Variants in PRKN observed in about 807,000 individuals in gnomAD.
PRKN encodes E3 ubiquitin-protein ligase parkin.
PRKN carries 56 observed loss-of-function variants against 59.5 expected under a neutral mutation model. The ratio of observed to expected loss-of-function variants is 0.94; its 90% CI spans 0.76 to 1.18. PRKN has a LOEUF of 1.18. Ranked by LOEUF, PRKN falls within the 50% of genes most tolerant of loss-of-function variation. The pLI is 0.00. For missense variants in PRKN, 657 were observed against 596.4 expected, an observed-to-expected ratio of 1.10 and a Z score of -1.06; for synonymous variants, 250 against 222.1, an observed-to-expected ratio of 1.13 and a Z score of -1.12.
intron 6 of PRKN, among the ~76,000 whole-genome samples, chr6:161,883,862 A>G (rs1795036421): frequency 6.6e-6 from 1 of 152,040 alleles, no homozygotes; most frequent in South Asian, 2.1e-4. Flanking sequence ...TATGTCGGCC[A>G]GGCTGGTCTC....
At chr6:162,273,929 T>G (rs1489953321) in intron 2 of PRKN, among the ~76,000 whole-genome samples, 2 of 152,148 alleles carry the variant, frequency 1.3e-5, no homozygotes, top group Non-Finnish European at 2.9e-5. Flanking sequence ...ATCATATTAT[T>G]TACTCAACAA....
intron 2 of PRKN, among the ~76,000 whole-genome samples, chr6:162,383,165 A>C (rs1034484574): frequency 6.6e-6 from 1 of 152,182 alleles, no homozygotes; most frequent in Non-Finnish European, 1.5e-5. Context: ...CTTCCCATGA[A>C]TCACAAATTT....
intron 6 of PRKN, among the ~76,000 whole-genome samples, chr6:161,916,773 G>A (rs1319253498): frequency 7.2e-5 from 11 of 152,048 alleles, no homozygotes; most frequent in African/African-American, 2.7e-4. Flanking sequence ...CATAGACGAC[G>A]TTAGTCTTTA....
At chr6:162,296,789 T>TTA (rs1781696403) in intron 2 of PRKN, among the ~76,000 whole-genome samples, 1 of 152,154 alleles carries the variant, frequency 6.6e-6, no homozygotes, top group Non-Finnish European at 1.5e-5. Flanking sequence ...TGAATTTCAC[T>TTA]TAGAAAAGTC....
intron 6 of PRKN, among the ~76,000 whole-genome samples, chr6:161,804,087 G>A (rs564365929): frequency 5.3e-4 from 81 of 152,326 alleles, no homozygotes; most frequent in African/African-American, 1.7e-3. Context: ...GTGCACGGAC[G>A]CCTCAGGGAC....
chr6:161,700,976 T>C (rs939544302), intron 7 of PRKN, among the ~76,000 whole-genome samples: 8 of 152,230 alleles, frequency 5.3e-5, no homozygotes, highest in Non-Finnish European at 1.2e-4. Flanking sequence ...TTTGTCTGTA[T>C]AGATATAGCA....
At chr6:161,482,891 T>C (rs1467710775) in intron 9 of PRKN, among the ~76,000 whole-genome samples, 1 of 152,222 alleles carries the variant, frequency 6.6e-6, no homozygotes, top group Non-Finnish European at 1.5e-5. Flanking sequence ...TCATAAGCAC[T>C]TTAAGTATTT....
chr6:161,652,066 A>G (rs948087615), intron 7 of PRKN, among the ~76,000 whole-genome samples: 1 of 152,206 alleles, frequency 6.6e-6, no homozygotes, highest in African/African-American at 2.4e-5. Context: ...ACCTAGTGTC[A>G]ACTTGTTCTT....
At chr6:161,781,083 A>C (rs1790185383) in intron 7 of PRKN, among the ~76,000 whole-genome samples, 1 of 152,240 alleles carries the variant, frequency 6.6e-6, no homozygotes, top group African/African-American at 2.4e-5. Flanking sequence ...GCCATGTGGA[A>C]GACTGACTAC....
At chr6:161,707,348 T>A (rs1786545824) in intron 7 of PRKN, among the ~76,000 whole-genome samples, 1 of 152,180 alleles carries the variant, frequency 6.6e-6, no homozygotes, top group Non-Finnish European at 1.5e-5. Flanking sequence ...TAATTGTGCG[T>A]TGAGGAAACG....
intron 1 of PRKN, among the ~76,000 whole-genome samples, chr6:162,710,554 T>C (rs1562516399): frequency 6.6e-6 from 1 of 152,138 alleles, no homozygotes; most frequent in East Asian, 1.9e-4. Context: ...GGAGGTGAAC[T>C]AGCCTTGTAA....
At chr6:162,660,853 T>C (rs890702464) in intron 1 of PRKN, among the ~76,000 whole-genome samples, 1 of 152,198 alleles carries the variant, frequency 6.6e-6, no homozygotes, top group African/African-American at 2.4e-5. Context: ...TCAACTTGTG[T>C]AGGAGAGTTC....
chr6:161,657,003 A>G (rs1443282710), intron 7 of PRKN, among the ~76,000 whole-genome samples: 1 of 152,178 alleles, frequency 6.6e-6, no homozygotes, highest in East Asian at 1.9e-4. Flanking sequence ...TCCAAAAAAT[A>G]TTTGGTTACT....
At chr6:162,292,630 A>G (rs1781491027) in intron 2 of PRKN, among the ~76,000 whole-genome samples, 1 of 152,152 alleles carries the variant, frequency 6.6e-6, no homozygotes, top group South Asian at 2.1e-4. Flanking sequence ...CCATAAGAAG[A>G]TAAGTCTGAA....
At chr6:161,510,340 C>T (rs1441135549) in intron 9 of PRKN, among the ~76,000 whole-genome samples, 7 of 151,594 alleles carry the variant, frequency 4.6e-5, no homozygotes, top group Non-Finnish European at 8.8e-5. Context: ...AGTGAGGCAT[C>T]GTGAAGTGTG....
chr6:161,516,359 C>T (rs572121475), intron 9 of PRKN, among the ~76,000 whole-genome samples: 16 of 149,712 alleles, frequency 1.1e-4, no homozygotes, highest in Non-Finnish European at 1.5e-4. Context: ...TCCAGCTACT[C>T]GGGAGGCTAA....
chr6:161,683,060 G>A (rs1045350999), intron 7 of PRKN, among the ~76,000 whole-genome samples: 2 of 152,220 alleles, frequency 1.3e-5, no homozygotes, highest in African/African-American at 4.8e-5. Context: ...AGTTTTTAGG[G>A]AGGAGCATGC....
chr6:161,988,849 A>G (rs749265488), intron 5 of PRKN, among the ~76,000 whole-genome samples: 2 of 152,086 alleles, frequency 1.3e-5, no homozygotes, highest in African/African-American at 2.4e-5. Flanking sequence ...TGATTATTAT[A>G]ACATGTTTGG....
At chr6:162,648,495 C>A (rs753934159) in intron 1 of PRKN, among the ~76,000 whole-genome samples, 2 of 151,892 alleles carry the variant, frequency 1.3e-5, no homozygotes, top group Non-Finnish European at 2.9e-5. Flanking sequence ...GATTCTCCTG[C>A]CTCAGCCTCC....
Sources: allele counts gnomAD v4.1 joint callset (sites outside exome capture counted in the v4.1 genomes callset), GRCh38; gene constraint gnomAD v4.1.1; transcripts MANE v1.5; gene names NCBI Gene and HGNC (gene_info 2026-07-23, HGNC 2026-07-21).